Variants in INTS14 observed in about 807,000 individuals in gnomAD.
INTS14 encodes integrator complex subunit 14.
A neutral mutation model predicts 56.9 loss-of-function variants in INTS14; 27 were observed. That is an observed-to-expected ratio of 0.47 (90% confidence interval 0.35 to 0.65). INTS14 has a LOEUF of 0.65. INTS14 is among the 30% of genes least tolerant of loss of function. INTS14 has a pLI of 0.00. For missense variants in INTS14, 517 were observed against 632.2 expected (o/e 0.82, Z 1.95); for synonymous variants, 207 against 236.2 (o/e 0.88, Z 1.13).
chr15:65,581,102 G>A (rs909914878), intron 11 of INTS14, among the ~76,000 whole-genome samples: 7 of 151,916 alleles, frequency 4.6e-5, no homozygotes, highest in Non-Finnish European at 7.4e-5. Context: ...AAATTAGGCC[G>A]GGAACGGTGG....
rs1278852456 is a variant in INTS14 at position 65,581,895 on chromosome 15, TCA to T, written c.1305+57_1305+58del. On this transcript the variant is annotated intron_variant, in intron 11 of 11. Coordinates refer to ENST00000313182, the MANE Select transcript of INTS14 (RefSeq NM_001394796.1). The stretch of plus-strand genomic sequence containing the variant: ...CCCTGCCCATATTCACACTGCCATC[TCA>T]CAGTTTTACTGTCGTGAACCATATA... 3.9e-6 allele frequency: 6 copies of T among 1,554,046 alleles called. No homozygotes were observed. The East Asian group carries it at 9.0e-5, about 23-fold the overall frequency.
intron 8 of INTS14, 116 bp downstream of exon 8, chr15:65,593,312 G>C: frequency 7.7e-7 from 1 of 1,306,466 alleles, no homozygotes; most frequent in Non-Finnish European, 1.0e-6. Flanking sequence ...TGTGTGGCAG[G>C]AAAAGGAAAA....
intron 1 of INTS14, chr15:65,610,633 C>A (rs2073883779): frequency 6.6e-6 from 10 of 1,511,048 alleles, no homozygotes; most frequent in Non-Finnish European, 8.9e-6. Flanking sequence ...AGAACTGATT[C>A]TCAGCAGTCT....
chr15:65,604,143 C>CGCAATCT (rs1485354981), intron 3 of INTS14, among the ~76,000 whole-genome samples: 5 of 152,138 alleles, frequency 3.3e-5, no homozygotes. Context: ...AGTGCAGTGG[C>CGCAATCT]GCAATCTCGG....
intron 10 of INTS14, among the ~76,000 whole-genome samples, chr15:65,582,306 TTCAA>T (rs1453656815): frequency 6.6e-6 from 1 of 151,986 alleles, no homozygotes; most frequent in African/African-American, 2.4e-5. Flanking sequence ...GCAAAGACGA[TTCAA>T]TGGGGAAAAA....
intron 7 of INTS14, among the ~76,000 whole-genome samples, chr15:65,595,141 C>A (rs2073167674): frequency 6.6e-6 from 1 of 152,216 alleles, no homozygotes; most frequent in African/African-American, 2.4e-5. Flanking sequence ...ATACCCACCA[C>A]AGCACAGTGC....
Position 65,598,267 on chromosome 15 carries a change from G to T in INTS14, c.748+54C>A. The T allele has an allele frequency of 3.2e-6, 5 of 1,546,224 alleles. No individual in the cohort carries two copies. In the Admixed American group the frequency reaches 8.8e-5, roughly 27 times the overall value. ...AGAAGAGAGTAAAAGTCACAAGTCA[G>T]AAGAAAGTAAGGATAACAGAGAAAC... is the stretch of plus-strand genomic sequence containing the variant. On this transcript the variant is annotated intron_variant, in intron 6 of 11. Transcript: ENST00000313182.
chr15:65,606,613 ATAT>A (rs749628106), intron 2 of INTS14, among the ~76,000 whole-genome samples: 2 of 152,284 alleles, frequency 1.3e-5, no homozygotes, highest in African/African-American at 4.8e-5. Context: ...ACTGCTGGAA[ATAT>A]TATGAATATT....
At chr15:65,600,083 C>A (rs2073372551) in intron 3 of INTS14, among the ~76,000 whole-genome samples, 154 bp from the exon 4 acceptor site, 3 of 150,934 alleles carry the variant, frequency 2.0e-5, no homozygotes, top group African/African-American at 7.3e-5. Context: ...CAAGGCAGGA[C>A]TGCTTAAGCC....
intron 1 of INTS14, chr15:65,610,881 G>C: frequency 6.7e-7 from 1 of 1,500,722 alleles, no homozygotes. Flanking sequence ...GGGCGAAATC[G>C]TGCAGTTTAC....
chr15:65,585,576 T>C (rs1365276720), intron 9 of INTS14, among the ~76,000 whole-genome samples: 1 of 152,234 alleles, frequency 6.6e-6, no homozygotes, highest in African/African-American at 2.4e-5. Flanking sequence ...ATTGGTTTTA[T>C]AGCTACATGA....
chr15:65,586,204 T>A (rs931861082), intron 9 of INTS14, among the ~76,000 whole-genome samples: 1 of 152,230 alleles, frequency 6.6e-6, no homozygotes, highest in Admixed American at 6.5e-5. Flanking sequence ...TAAAGAATAT[T>A]TATTAAGTTC....
chr15:65,601,333 T>A (rs1268582724), intron 3 of INTS14, among the ~76,000 whole-genome samples: 1 of 152,138 alleles, frequency 6.6e-6, no homozygotes, highest in Non-Finnish European at 1.5e-5. Flanking sequence ...TTGATAACAA[T>A]AGGCCATTAA....
At chr15:65,585,637 C>T (rs574958160) in intron 9 of INTS14, among the ~76,000 whole-genome samples, 161 of 152,278 alleles carry the variant, frequency 1.1e-3, no homozygotes, top group Non-Finnish European at 2.2e-3. Flanking sequence ...GAAACTGCCA[C>T]AAACTTATAA....
intron 3 of INTS14, among the ~76,000 whole-genome samples, chr15:65,601,523 A>T (rs1449091955): frequency 1.3e-5 from 2 of 152,174 alleles, no homozygotes; most frequent in Non-Finnish European, 2.9e-5. Flanking sequence ...TTGTATTTTT[A>T]GTAGAGACGG....
chr15:65,582,027 G>C lies in INTS14; in HGVS notation c.1240-8C>G. 6.3e-7 allele frequency: 1 copy of C among 1,575,760 alleles called. No homozygotes were observed. The highest frequency in any genetic ancestry group is 1.2e-5 in the South Asian group (1 of 85,440). On this transcript the variant is annotated splice_region_variant and splice_polypyrimidine_tract_variant and intron_variant, in intron 10 of 11. Coordinates refer to ENST00000313182, the MANE Select transcript of INTS14 (RefSeq NM_001394796.1). The stretch of plus-strand genomic sequence containing the variant: ...AATCTTCTGTACATCTGTCTATTAA[G>C]GGTAAAAAAAAAAATCCAACATTAG...
chr15:65,587,309 C>T (rs115998300), intron 9 of INTS14, among the ~76,000 whole-genome samples: 113 of 151,248 alleles, frequency 7.5e-4, no homozygotes, highest in African/African-American at 2.6e-3. Context: ...TGGGGAATAA[C>T]CATACCATTT....
chr15:65,581,843 C>G lies in INTS14; in HGVS notation c.1305+111G>C, dbSNP rs904000757. On this transcript the variant is annotated intron_variant, in intron 11 of 11. Transcript: ENST00000313182. ...CTTTTACTGAGTTTATTTGAAAAAA[C>G]TGAGGCACAAGTCATACATCTCTAA... The G allele has an allele frequency of 2.5e-5, 27 of 1,082,760 alleles. No individual in the cohort carries two copies. In the African/African-American group the frequency reaches 3.4e-4, roughly 14 times the overall value. The allele number at this position is 1,082,760 out of a possible 1,614,324, so 67.1% of individuals were successfully genotyped here.
At chr15:65,586,689 A>G (rs551685440) in intron 9 of INTS14, 1 of 152,348 alleles carries the variant, frequency 6.6e-6, no homozygotes, top group African/African-American at 2.4e-5. Context: ...ACAAAAAATA[A>G]AAGTTATAAG....
Sources: gnomAD v4.1 joint callset for allele counts (sites outside exome capture counted in the v4.1 genomes callset) on GRCh38, gnomAD v4.1.1 for gene constraint, MANE v1.5 for transcripts, NCBI Gene and HGNC (gene_info 2026-07-23, HGNC 2026-07-21) for gene names.